Variants in DLGAP2 observed in about 807,000 individuals in gnomAD.
DLGAP2 encodes DLG associated protein 2.
Under a neutral mutation model 100.3 loss-of-function variants are expected in DLGAP2, and 26 were observed. The observed-to-expected ratio is 0.26, with a 90% CI of 0.19 to 0.36. The LOEUF (loss-of-function observed/expected upper bound fraction) is 0.36, where lower values mean the gene tolerates loss of function less well. Ranked by LOEUF, DLGAP2 falls within the 10% of genes least tolerant of loss-of-function variation. The pLI is 1.00. For synonymous variants in DLGAP2, 886 were observed against 630.1 expected (o/e 1.41, Z -6.08); for missense variants, 1,858 against 1,453.2 (o/e 1.28, Z -4.53).
At chr8:1,291,147 A>G (rs1160870692) in intron 3 of DLGAP2, among the ~76,000 whole-genome samples, 1 of 152,192 alleles carries the variant, frequency 6.6e-6, no homozygotes, top group Non-Finnish European at 1.5e-5. Flanking sequence ...CATCACGATG[A>G]TTGGAAATGG....
chr8:1,536,845 G>A (rs929807885), intron 4 of DLGAP2, among the ~76,000 whole-genome samples: 1 of 152,064 alleles, frequency 6.6e-6, no homozygotes, highest in African/African-American at 2.4e-5. Context: ...ATTCCTCCCT[G>A]TAGGAGGCGC....
At chr8:1,094,736 C>T (rs1804309170) in intron 2 of DLGAP2, among the ~76,000 whole-genome samples, 1 of 152,244 alleles carries the variant, frequency 6.6e-6, no homozygotes, top group Non-Finnish European at 1.5e-5. Context: ...GTGCCTCCCC[C>T]TCTTTCTCTG....
At chr8:1,192,247 G>C (rs1797655688) in intron 2 of DLGAP2, among the ~76,000 whole-genome samples, 1 of 152,190 alleles carries the variant, frequency 6.6e-6, no homozygotes, top group Admixed American at 6.5e-5. Flanking sequence ...GCTGAGCTGG[G>C]CAATGGGTTT....
chr8:1,353,625 T>C (rs920768944), intron 3 of DLGAP2, among the ~76,000 whole-genome samples: 1 of 152,128 alleles, frequency 6.6e-6, no homozygotes, highest in African/African-American at 2.4e-5. Flanking sequence ...CATTATAAGG[T>C]GAGGGGTATT....
chr8:1,578,364 C>T (rs147260496), intron 6 of DLGAP2, among the ~76,000 whole-genome samples: 6 of 152,132 alleles, frequency 3.9e-5, no homozygotes, highest in Non-Finnish European at 7.3e-5. Flanking sequence ...GTTCTTACCC[C>T]GGAAGTTATC....
intron 6 of DLGAP2, among the ~76,000 whole-genome samples, chr8:1,591,011 A>G (rs1254152116): frequency 6.6e-6 from 1 of 152,168 alleles, no homozygotes; most frequent in African/African-American, 2.4e-5. Flanking sequence ...AGCTCAAAAC[A>G]TGAGGATGTA....
Position 1,205,448 on chromosome 8 carries a change from G to A in DLGAP2, c.74-53403G>A, listed in dbSNP as rs373991725. ...CTTCCTGAAAAGGCTCTAGAAACAC[G>A]TGACGTCACAGCCTCAAAAGCTTGG... On this transcript the variant is annotated intron_variant, in intron 2 of 14. Transcript: ENST00000637795. 5.9e-5 allele frequency among the ~76,000 whole-genome samples: 9 copies of A among 152,226 alleles called. No homozygotes were observed. The East Asian group carries it at 1.5e-3, about 26-fold the overall frequency.
intron 2 of DLGAP2, among the ~76,000 whole-genome samples, chr8:1,227,172 A>AC (rs1798437973): frequency 7.4e-6 from 1 of 135,294 alleles, no homozygotes; most frequent in Non-Finnish European, 1.5e-5. Context: ...ATATATATAT[A>AC]TAGTATAGAT....
At chr8:977,697 A>G in intron 2 of DLGAP2, among the ~76,000 whole-genome samples, 2 of 149,646 alleles carry the variant, frequency 1.3e-5, no homozygotes, top group African/African-American at 2.5e-5. Flanking sequence ...TTTTTAAGAG[A>G]GTTCATAGAA....
At chr8:1,081,392 C>T (rs1316238332) in intron 2 of DLGAP2, among the ~76,000 whole-genome samples, 1 of 152,326 alleles carries the variant, frequency 6.6e-6, no homozygotes, top group Admixed American at 6.5e-5. Context: ...TGCTCTGTCG[C>T]CCAGGTTGGA....
chr8:1,564,674 G>A (rs374666103), intron 5 of DLGAP2, among the ~76,000 whole-genome samples: 1 of 152,196 alleles, frequency 6.6e-6, no homozygotes, highest in Non-Finnish European at 1.5e-5. Context: ...TATATAATAC[G>A]CACGGGTGCT....
At chr8:1,111,950 G>T (rs1344426796) in intron 2 of DLGAP2, among the ~76,000 whole-genome samples, 17 of 152,100 alleles carry the variant, frequency 1.1e-4, no homozygotes, top group African/African-American at 4.1e-4. Flanking sequence ...TTGAATGGCA[G>T]TTCTGCTTGT....
chr8:1,651,254 C>A (rs2130809782), intron 8 of DLGAP2, among the ~76,000 whole-genome samples: 1 of 152,320 alleles, frequency 6.6e-6, no homozygotes, highest in South Asian at 2.1e-4. Flanking sequence ...AAATGTTGAC[C>A]CACCAGATTC....
At chr8:933,057 C>T (rs1669280303) in intron 2 of DLGAP2, among the ~76,000 whole-genome samples, 1 of 152,218 alleles carries the variant, frequency 6.6e-6, no homozygotes, top group Non-Finnish European at 1.5e-5. Flanking sequence ...TTCCTATGGA[C>T]TCGTCTATAA....
chr8:1,243,236 C>T (rs558324704), intron 2 of DLGAP2, among the ~76,000 whole-genome samples: 2 of 152,204 alleles, frequency 1.3e-5, no homozygotes, highest in Non-Finnish European at 2.9e-5. Flanking sequence ...CTGCAGGCCC[C>T]TGCCCTGGGG....
intron 1 of DLGAP2, among the ~76,000 whole-genome samples, chr8:884,227 CA>C (rs777344661): frequency 3.9e-5 from 6 of 152,338 alleles, no homozygotes; most frequent in African/African-American, 7.2e-5. Flanking sequence ...CTGTCTTCCA[CA>C]ATGTTTGAAC....
intron 2 of DLGAP2, among the ~76,000 whole-genome samples, chr8:1,184,775 C>G (rs1173427781): frequency 2.0e-5 from 3 of 152,172 alleles, no homozygotes; most frequent in African/African-American, 4.8e-5. Flanking sequence ...GTGACGATGA[C>G]TGGTTGGTGA....
chr8:915,081 C>G (rs1798562895), intron 2 of DLGAP2, among the ~76,000 whole-genome samples: 1 of 152,324 alleles, frequency 6.6e-6, no homozygotes, highest in South Asian at 2.1e-4. Context: ...ACGCCAGGTC[C>G]TTAGAGAAGG....
chr8:1,423,293 C>G (rs1405403191), intron 3 of DLGAP2, among the ~76,000 whole-genome samples: 1 of 152,098 alleles, frequency 6.6e-6, no homozygotes. Context: ...CAGGCCTGCT[C>G]AGTCCATGGG....
Sources: gnomAD v4.1 joint callset for allele counts (sites outside exome capture counted in the v4.1 genomes callset) on GRCh38, gnomAD v4.1.1 for gene constraint, MANE v1.5 for transcripts, NCBI Gene and HGNC (gene_info 2026-07-23, HGNC 2026-07-21) for gene names.